The following PSEN1 variants were observed in gnomAD, a reference collection of about 807,000 sequenced individuals.
The protein encoded by PSEN1 is presenilin-1.
In PSEN1, 15 loss-of-function variants were observed where a neutral mutation model predicts 53.5. That is an observed-to-expected ratio of 0.28 (90% CI 0.19 to 0.43). The LOEUF (loss-of-function observed/expected upper bound fraction) is 0.43. Ranked by LOEUF, PSEN1 falls within the 20% of genes least tolerant of loss-of-function variation. The pLI, the probability that PSEN1 is intolerant of heterozygous loss-of-function variation, is 1.00. For synonymous variants in PSEN1, 208 were observed against 209.8 expected, an observed-to-expected ratio of 0.99 and a Z score of 0.08; for missense variants, 387 against 571.2, an observed-to-expected ratio of 0.68 and a Z score of 3.29.
chr14:73,148,707 C>A (rs927328495), intron 3 of PSEN1, among the ~76,000 whole-genome samples: 10 of 152,096 alleles, frequency 6.6e-5, no homozygotes, highest in Non-Finnish European at 1.5e-4. Context: ...CTGAGGCGGG[C>A]AGATCACCTG....
chr14:73,203,534 C>T (rs1423092049), intron 8 of PSEN1, among the ~76,000 whole-genome samples: 1 of 152,124 alleles, frequency 6.6e-6, no homozygotes, highest in Non-Finnish European at 1.5e-5. Context: ...AGTTTTAAAT[C>T]AGTCATCCTG....
intron 5 of PSEN1, among the ~76,000 whole-genome samples, chr14:73,175,314 A>AC (rs11379162): frequency 0.12 from 18,045 of 151,618 alleles, 2,712 homozygotes; most frequent in African/African-American, 0.36. Context: ...TTTAGTAGAG[A>AC]CTGGGTTTTA....
In PSEN1 at chr14:73,192,632, A is replaced by T; in HGVS notation, c.549-12A>T. 6.3e-7 allele frequency: 1 copy of T among 1,578,470 alleles called. No individual in the cohort carries two copies. Among genetic ancestry groups the T allele is most frequent in the Non-Finnish European group, 8.7e-7 (1 of 1,147,728 alleles). On this transcript the variant is annotated splice_polypyrimidine_tract_variant and intron_variant, in intron 6 of 11. Coordinates refer to ENST00000324501, the MANE Select transcript of PSEN1 (RefSeq NM_000021.4). ...TTGTACATCTTTTAAAATCTGTGTA[A>T]TTTTTTTTCAGGGAAGTGTTTAAAA... is the stretch of plus-strand genomic sequence containing the variant.
intron 5 of PSEN1, among the ~76,000 whole-genome samples, chr14:73,182,448 G>A (rs1198464294): frequency 2.0e-5 from 3 of 151,990 alleles, no homozygotes; most frequent in African/African-American, 4.8e-5. Context: ...AGTGAGCTAC[G>A]ATCATGCCAC....
intron 3 of PSEN1, among the ~76,000 whole-genome samples, chr14:73,162,606 CTGTTGACTA>C (rs1897586745): frequency 6.6e-6 from 1 of 151,850 alleles, no homozygotes; most frequent in Non-Finnish European, 1.5e-5. Flanking sequence ...CTGTGGTAAG[CTGTTGACTA>C]TGCCACTGCA....
intron 8 of PSEN1, among the ~76,000 whole-genome samples, chr14:73,200,376 TCTC>T (rs1265804934): frequency 1.3e-5 from 2 of 152,086 alleles, no homozygotes; most frequent in Non-Finnish European, 2.9e-5. Context: ...TTCAAGCAAT[TCTC>T]CTCTCTCAGC....
rs142429755 is a variant in PSEN1, at chr14:73,152,967, G to A, written c.87+4861G>A. Among the ~76,000 whole-genome samples, 76 of 152,210 alleles carry A rather than the reference G, an allele frequency of 5.0e-4. No homozygotes were observed. In the East Asian group the frequency reaches 0.012, roughly 25 times the overall value. On this transcript the variant is annotated intron_variant, in intron 3 of 11. Transcript: ENST00000324501. ...CTGAAGCAAGAGGATTGGTTTCAAG[G>A]TTCACCTGGGAGGTCAAAGCTGCAT... is the stretch of plus-strand genomic sequence containing the variant.
chr14:73,197,222 T>C (rs963315719), intron 7 of PSEN1, among the ~76,000 whole-genome samples: 22 of 152,294 alleles, frequency 1.4e-4, no homozygotes, highest in Admixed American at 7.2e-4. Context: ...CGTGAGCCAC[T>C]GCGCCCGGCC....
chr14:73,138,967 G>GAA, intron 1 of PSEN1, among the ~76,000 whole-genome samples: 1 of 136,342 alleles, frequency 7.3e-6, no homozygotes, highest in African/African-American at 2.8e-5. Flanking sequence ...ACTCTGTCAA[G>GAA]AAAAAAAGAA....
At chr14:73,216,553 G>A (rs576731507) in intron 10 of PSEN1, among the ~76,000 whole-genome samples, 7 of 152,240 alleles carry the variant, frequency 4.6e-5, no homozygotes, top group African/African-American at 1.7e-4. Context: ...GAGGTCAGGA[G>A]TTCGAGACCA....
intron 7 of PSEN1, among the ~76,000 whole-genome samples, chr14:73,195,361 C>T (rs147434149): frequency 5.9e-5 from 9 of 152,044 alleles, no homozygotes; most frequent in Non-Finnish European, 1.0e-4. Context: ...TTAGTAGAGA[C>T]GAGGTTTTGC....
At chr14:73,218,533 T>C (rs921979362) in intron 11 of PSEN1, among the ~76,000 whole-genome samples, 15 of 152,202 alleles carry the variant, frequency 9.9e-5, no homozygotes, top group Non-Finnish European at 1.9e-4. Context: ...TACATGTGTT[T>C]ACAAGAAAGC....
At chr14:73,160,223 G>A (rs1345155740) in intron 3 of PSEN1, 1 of 156,134 alleles carries the variant, frequency 6.4e-6, no homozygotes, top group Non-Finnish European at 1.4e-5. Flanking sequence ...CTATATTGTA[G>A]CATGTGACAA....
In PSEN1 at chr14:73,173,650, T is replaced by C; in HGVS notation, c.423T>C (p.Ser141=). The C allele has an allele frequency of 1.9e-6, 3 of 1,613,882 alleles. No individual in the cohort carries two copies. The highest frequency in any genetic ancestry group is 2.5e-6 in the Non-Finnish European group (3 of 1,179,752). Residue 141 remains serine (S), a synonymous_variant, in exon 5 of 12, where the codon AGT becomes AGC. Coordinates refer to ENST00000324501, the MANE Select transcript of PSEN1 (RefSeq NM_000021.4). ...HSILNAAIMI[S]VIVVMTILLV... ...TTCTGAATGCTGCCATCATGATCAG[T>C]GTCATTGTTGTCATGACTATCCTCC...
intron 3 of PSEN1, among the ~76,000 whole-genome samples, chr14:73,153,815 C>T (rs1309290107): frequency 2.7e-5 from 4 of 150,862 alleles, no homozygotes; most frequent in East Asian, 3.9e-4. Flanking sequence ...CAGGTTCAAG[C>T]GATTCTCCTG....
chr14:73,153,607 A>G (rs527401508), intron 3 of PSEN1, among the ~76,000 whole-genome samples: 1 of 150,782 alleles, frequency 6.6e-6, no homozygotes, highest in Admixed American at 6.6e-5. Context: ...CCTACAGAGC[A>G]GGCTTAGAGC....
intron 10 of PSEN1, among the ~76,000 whole-genome samples, chr14:73,212,691 C>A (rs1256697752): frequency 6.6e-6 from 1 of 152,186 alleles, no homozygotes; most frequent in African/African-American, 2.4e-5. Context: ...AGTATTTCTT[C>A]AGTGTCTAAG....
intron 10 of PSEN1, among the ~76,000 whole-genome samples, chr14:73,216,419 T>C (rs898866855): frequency 3.3e-5 from 5 of 152,166 alleles, no homozygotes; most frequent in African/African-American, 9.7e-5. Flanking sequence ...TTGAATCATG[T>C]CTTCCAGTTT....
At position 73,201,005 on chromosome 14, in the gene PSEN1, C is replaced by T. The variant is rs137921477; in HGVS notation, c.868+2876C>T. On this transcript the variant is annotated intron_variant, in intron 8 of 11. Transcript: ENST00000324501. ...GGCGGAGGTTACAGTGAGCCATGATCGTGCCACTGCACTCCAGCCTGAGTG... is the reference window on the plus strand; with the variant it reads ...GGCGGAGGTTACAGTGAGCCATGATTGTGCCACTGCACTCCAGCCTGAGTG... Among the ~76,000 whole-genome samples, 730 of 152,238 alleles carry T rather than the reference C, an allele frequency of 4.8e-3. 5 individuals are homozygous for T. Among genetic ancestry groups the T allele is most frequent in the Non-Finnish European group, 8.4e-3 (568 of 68,010 alleles).
Sources: gnomAD v4.1 joint callset for allele counts (sites outside exome capture counted in the v4.1 genomes callset) on GRCh38, gnomAD v4.1.1 for gene constraint, MANE v1.5 for transcripts, NCBI Gene and HGNC (gene_info 2026-07-23, HGNC 2026-07-21) for gene names.